The following KCNQ5 variants were observed in gnomAD, a reference collection of about 807,000 sequenced individuals.
KCNQ5 encodes potassium voltage-gated channel subfamily Q member 5.
Under a neutral mutation model 98.2 loss-of-function variants are expected in KCNQ5, and 30 were observed. The ratio of observed to expected loss-of-function variants is 0.31; its 90% CI spans 0.23 to 0.41. The LOEUF (loss-of-function observed/expected upper bound fraction) is 0.41. Ranked by LOEUF, KCNQ5 falls within the 10% of genes least tolerant of loss-of-function variation. The probability of loss-of-function intolerance (pLI) is 1.00; values close to 1 mark genes in which losing one functional copy is unlikely to be tolerated. For missense variants in KCNQ5, 835 were observed against 1,182.5 expected (o/e 0.71, Z 4.31); for synonymous variants, 458 against 449.4 (o/e 1.02, Z -0.24).
intron 2 of KCNQ5, among the ~76,000 whole-genome samples, chr6:73,026,976 C>A (rs1001803272): frequency 2.0e-5 from 3 of 152,262 alleles, no homozygotes; most frequent in African/African-American, 7.2e-5. Flanking sequence ...TGGAAACCAC[C>A]TTTTCTGCAC....
At chr6:72,745,885 C>T (rs547487138) in intron 1 of KCNQ5, among the ~76,000 whole-genome samples, 3 of 152,128 alleles carry the variant, frequency 2.0e-5, no homozygotes, top group East Asian at 3.9e-4. Context: ...CCTGTGTTGG[C>T]GTGTAGCCGC....
At chr6:72,650,766 T>C (rs960464317) in intron 1 of KCNQ5, among the ~76,000 whole-genome samples, 25 of 152,100 alleles carry the variant, frequency 1.6e-4, no homozygotes, top group African/African-American at 5.5e-4. Context: ...TGGTTAGCAC[T>C]GGTGATACAA....
At chr6:72,971,349 G>A (rs993435251) in intron 1 of KCNQ5, among the ~76,000 whole-genome samples, 4 of 152,168 alleles carry the variant, frequency 2.6e-5, no homozygotes, top group Admixed American at 1.3e-4. Flanking sequence ...GGAAACAACC[G>A]GTGCTGGAGA....
chr6:73,045,268 A>C (rs1771909496), intron 3 of KCNQ5, among the ~76,000 whole-genome samples: 1 of 152,224 alleles, frequency 6.6e-6, no homozygotes, highest in African/African-American at 2.4e-5. Context: ...TTATAACATA[A>C]GGGAAGAAAT....
rs187746107 is a variant in KCNQ5, at chr6:73,074,717, A to G, written c.617-2605A>G. ...ATGGGATCTGTGGGATACCTAACAC[A>G]TAAAGTCATTGTAAGGATTAAATAA... is the stretch of plus-strand genomic sequence containing the variant. On this transcript the variant is annotated intron_variant, in intron 3 of 13. Transcript: ENST00000370398. 1.1e-4 allele frequency among the ~76,000 whole-genome samples: 17 copies of G among 151,272 alleles called. No individual in the cohort carries two copies. The East Asian group carries it at 3.1e-3, about 28-fold the overall frequency.
intron 1 of KCNQ5, among the ~76,000 whole-genome samples, chr6:72,656,720 T>C (rs1284959406): frequency 6.6e-6 from 1 of 152,192 alleles, no homozygotes; most frequent in Non-Finnish European, 1.5e-5. Context: ...CTGATATTTA[T>C]GCTCTATGAG....
intron 2 of KCNQ5, among the ~76,000 whole-genome samples, chr6:73,013,674 T>A (rs1770183751): frequency 6.6e-6 from 1 of 152,132 alleles, no homozygotes; most frequent in Non-Finnish European, 1.5e-5. Context: ...AGATTCCAGC[T>A]TAGGCCTGGC....
chr6:72,874,649 A>AT (rs1778337549), intron 1 of KCNQ5, among the ~76,000 whole-genome samples: 2 of 152,162 alleles, frequency 1.3e-5, no homozygotes, highest in African/African-American at 4.8e-5. Context: ...CATTTTACTG[A>AT]GTGCCTGCCA....
intron 3 of KCNQ5, among the ~76,000 whole-genome samples, chr6:73,052,425 G>C (rs537562711): frequency 6.6e-6 from 1 of 152,172 alleles, no homozygotes; most frequent in Non-Finnish European, 1.5e-5. Context: ...CCATCCCCAA[G>C]ACACATACTT....
intron 1 of KCNQ5, among the ~76,000 whole-genome samples, chr6:72,950,245 G>C (rs181937281): frequency 6.6e-6 from 1 of 152,156 alleles, no homozygotes; most frequent in Non-Finnish European, 1.5e-5. Context: ...AGCGTATTCA[G>C]TATCATTTCT....
intron 3 of KCNQ5, among the ~76,000 whole-genome samples, chr6:73,060,156 A>C (rs1772716807): frequency 6.6e-6 from 1 of 152,130 alleles, no homozygotes; most frequent in South Asian, 2.1e-4. Flanking sequence ...CACCTCTCAG[A>C]AATTGCCCTA....
chr6:72,972,138 C>T (rs1394488460), intron 1 of KCNQ5, among the ~76,000 whole-genome samples: 3 of 152,106 alleles, frequency 2.0e-5, no homozygotes, highest in African/African-American at 7.2e-5. Flanking sequence ...TAACCCTAAC[C>T]AACAAGTGCC....
chr6:72,982,309 A>G (rs1399426864), intron 1 of KCNQ5, among the ~76,000 whole-genome samples: 1 of 152,062 alleles, frequency 6.6e-6, no homozygotes, highest in African/African-American at 2.4e-5. Context: ...GTAAGTCTCT[A>G]AGGACTTGCT....
intron 2 of KCNQ5, among the ~76,000 whole-genome samples, chr6:73,040,656 A>G (rs530500473): frequency 6.6e-6 from 1 of 152,344 alleles, no homozygotes; most frequent in African/African-American, 2.4e-5. Context: ...ACTGTGAGTA[A>G]GCAGTGATGA....
intron 9 of KCNQ5, among the ~76,000 whole-genome samples, chr6:73,126,306 A>T (rs1443157137): frequency 6.6e-6 from 1 of 152,168 alleles, no homozygotes; most frequent in Non-Finnish European, 1.5e-5. Flanking sequence ...CCTAAAAGAG[A>T]AGTTTGTAAA....
At chr6:72,855,232 T>G (rs181846818) in intron 1 of KCNQ5, among the ~76,000 whole-genome samples, 246 of 151,996 alleles carry the variant, frequency 1.6e-3, no homozygotes, top group African/African-American at 5.6e-3. Context: ...CACGATAAAT[T>G]AAAACTATTT....
At chr6:73,190,200 C>G (rs1765539030) in intron 11 of KCNQ5, among the ~76,000 whole-genome samples, 1 of 151,964 alleles carries the variant, frequency 6.6e-6, no homozygotes, top group Non-Finnish European at 1.5e-5. Flanking sequence ...TTTTAACAGC[C>G]TTTATATTTT....
intron 5 of KCNQ5, among the ~76,000 whole-genome samples, chr6:73,086,771 C>T (rs748732366): frequency 1.3e-5 from 2 of 152,078 alleles, no homozygotes; most frequent in African/African-American, 2.4e-5. Flanking sequence ...AATGTTATTA[C>T]GAAACAAGGA....
rs925307351 is a variant in KCNQ5, at chr6:72,735,844, G to A, written c.398+113257G>A. ...TATAAAGGCTTTGTTTATATAACAA[G>A]TAGAAATTTAACATTTTTCTAGCAT... On this transcript the variant is annotated intron_variant, in intron 1 of 13. Coordinates refer to ENST00000370398, the MANE Select transcript of KCNQ5 (RefSeq NM_019842.4). Among the ~76,000 whole-genome samples the A allele has an allele frequency of 2.6e-5, 4 of 152,078 alleles. No individual in the cohort carries two copies. In the South Asian group the frequency reaches 8.3e-4, roughly 32 times the overall value.
Sources: allele counts gnomAD v4.1 joint callset (sites outside exome capture counted in the v4.1 genomes callset), GRCh38; gene constraint gnomAD v4.1.1; transcripts MANE v1.5; gene names NCBI Gene and HGNC (gene_info 2026-07-23, HGNC 2026-07-21).